GRIK1: variants seen among roughly 807,000 people sequenced by gnomAD.
GRIK1 encodes the protein glutamate receptor ionotropic, kainate 1.
A neutral mutation model predicts 105.7 loss-of-function variants in GRIK1; 69 were observed. The observed-to-expected ratio is 0.65, with a 90% CI of 0.54 to 0.80. The LOEUF is 0.80. GRIK1 is among the 30% of genes least tolerant of loss of function. The pLI is 0.00. For synonymous variants in GRIK1, 438 were observed against 431.3 expected, an observed-to-expected ratio of 1.02 and a Z score of -0.19; for missense variants, 1,109 against 1,167.3, an observed-to-expected ratio of 0.95 and a Z score of 0.73.
At chr21:29,537,460 G>A (rs2089898305) in intron 17 of GRIK1, 75 bp from the exon 18 acceptor site, 2 of 1,197,100 alleles carry the variant, frequency 1.7e-6, no homozygotes, top group African/African-American at 1.5e-5. Context: ...TCTTGCCTAG[G>A]TATTTATGAA....
intron 1 of GRIK1, among the ~76,000 whole-genome samples, chr21:29,793,860 G>A (rs971877466): frequency 1.3e-5 from 2 of 152,208 alleles, no homozygotes; most frequent in African/African-American, 4.8e-5. Context: ...TGCCAAGTGG[G>A]TGTGTTTTTA....
chr21:29,833,787 C>T (rs2067706411), intron 1 of GRIK1, among the ~76,000 whole-genome samples: 1 of 152,012 alleles, frequency 6.6e-6, no homozygotes, highest in African/African-American at 2.4e-5. Flanking sequence ...ACTCTCTCAA[C>T]AAGGTGGCTC....
At chr21:29,775,257 C>T (rs993781012) in intron 1 of GRIK1, among the ~76,000 whole-genome samples, 18 of 123,710 alleles carry the variant, frequency 1.5e-4, no homozygotes, top group African/African-American at 5.4e-4. Context: ...GCCTGGGCGA[C>T]AGAGTGAGCC....
chr21:29,867,888 G>GAGAGAAAGAGAGAGAAAGAGAGAA lies in GRIK1; in HGVS notation c.118+71494_118+71495insTTCTCTCTTTCTCTCTCTTTCTCT, dbSNP rs202192715. The stretch of plus-strand genomic sequence containing the variant: ...AGAGAAAGAGAGAAAGAGAGAGAAA[G>GAGAGAAAGAGAGAGAAAGAGAGAA]AGAGAGAGAGAGAGAAAGAAAGAGA... On this transcript the variant is annotated intron_variant, in intron 1 of 17. Coordinates refer to ENST00000327783, the MANE Select transcript of GRIK1 (RefSeq NM_001330994.2). 1.3e-3 allele frequency among the ~76,000 whole-genome samples: 165 copies of GAGAGAAAGAGAGAGAAAGAGAGAA among 131,360 alleles called. 11 individuals are homozygous for GAGAGAAAGAGAGAGAAAGAGAGAA. The highest frequency in any genetic ancestry group is 5.5e-3 in the African/African-American group (160 of 29,130). The allele number at this position is 131,360 out of a possible 152,430, so 86.2% of individuals were successfully genotyped here.
intron 1 of GRIK1, among the ~76,000 whole-genome samples, chr21:29,753,922 C>T (rs1360742069): frequency 1.3e-5 from 2 of 152,056 alleles, no homozygotes; most frequent in African/African-American, 4.8e-5. Flanking sequence ...CTACCTGGAT[C>T]TGAACATATG....
intron 1 of GRIK1, among the ~76,000 whole-genome samples, chr21:29,784,533 A>G (rs2066208888): frequency 6.6e-6 from 1 of 152,174 alleles, no homozygotes; most frequent in African/African-American, 2.4e-5. Context: ...ATATCACATT[A>G]TATAACAACT....
At chr21:29,894,855 C>G (rs139453033) in intron 1 of GRIK1, among the ~76,000 whole-genome samples, 85 of 152,284 alleles carry the variant, frequency 5.6e-4, no homozygotes, top group African/African-American at 2.0e-3. Context: ...ACCTGTTTAA[C>G]TTGGCTATTT....
intron 1 of GRIK1, among the ~76,000 whole-genome samples, chr21:29,859,209 T>G: frequency 6.7e-6 from 1 of 149,068 alleles, no homozygotes; most frequent in African/African-American, 2.5e-5. Context: ...CCGGGGCCTG[T>G]TGTGGGGTGG....
At chr21:29,596,086 A>G (rs1406604635) in intron 9 of GRIK1, 2 of 291,232 alleles carry the variant, frequency 6.9e-6, no homozygotes, top group African/African-American at 2.2e-5. Context: ...TGGTGACATT[A>G]CAGGAGGTGT....
At chr21:29,560,368 C>CTTTCTTTTTCTTT (rs1568813696) in intron 15 of GRIK1, among the ~76,000 whole-genome samples, 1 of 20,734 alleles carries the variant, frequency 4.8e-5, no homozygotes, top group African/African-American at 2.1e-4. Flanking sequence ...TTTCTTTCTT[C>CTTTCTTTTTCTTT]CTTCCTTCCT....
chr21:29,624,922 G>C (rs2062088710), intron 7 of GRIK1, among the ~76,000 whole-genome samples: 1 of 152,192 alleles, frequency 6.6e-6, no homozygotes, highest in African/African-American at 2.4e-5. Context: ...GGAAATTAGG[G>C]AGAAAGAACA....
intron 1 of GRIK1, among the ~76,000 whole-genome samples, chr21:29,841,105 A>G (rs1322138032): frequency 6.6e-6 from 1 of 152,176 alleles, no homozygotes; most frequent in African/African-American, 2.4e-5. Context: ...GCTATATTAA[A>G]CACATTTTAA....
intron 1 of GRIK1, among the ~76,000 whole-genome samples, chr21:29,888,195 T>TTC (rs780446480): frequency 0.026 from 583 of 22,176 alleles, 17 homozygotes; most frequent in Non-Finnish European, 0.042. Context: ...CTTTCTTTCT[T>TTC]TCTCTCTCTC....
chr21:29,931,868 G>A (rs747479023), intron 1 of GRIK1, among the ~76,000 whole-genome samples: 4 of 152,124 alleles, frequency 2.6e-5, no homozygotes, highest in South Asian at 2.1e-4. Flanking sequence ...TCTTTGACTC[G>A]TTTGGTGTAA....
At chr21:29,560,574 T>TTCTTTCTCTCTCTCTCTC (rs1601116875) in intron 15 of GRIK1, among the ~76,000 whole-genome samples, 2 of 124,180 alleles carry the variant, frequency 1.6e-5, no homozygotes, top group African/African-American at 8.0e-5. Flanking sequence ...CTTTCTTTCT[T>TTCTTTCTCTCTCTCTCTC]TCTCTCTTTC....
chr21:29,876,736 A>G (rs1393268768), intron 1 of GRIK1, among the ~76,000 whole-genome samples: 1 of 152,024 alleles, frequency 6.6e-6, no homozygotes, highest in African/African-American at 2.4e-5. Context: ...AGCGTGCTTT[A>G]TTTTTTTACA....
At chr21:29,622,218 ATTACAG>A (rs2062021033) in intron 7 of GRIK1, among the ~76,000 whole-genome samples, 1 of 152,202 alleles carries the variant, frequency 6.6e-6, no homozygotes, top group Admixed American at 6.5e-5. Context: ...AAGTGCTGGG[ATTACAG>A]GCTTGAGCCA....
chr21:29,867,985 A>G (rs2068882480), intron 1 of GRIK1, among the ~76,000 whole-genome samples: 1 of 143,428 alleles, frequency 7.0e-6, no homozygotes, highest in African/African-American at 2.6e-5. Flanking sequence ...AGAGAAAAAG[A>G]GGAGAGAAGG....
At chr21:29,786,472 C>T (rs1303082140) in intron 1 of GRIK1, among the ~76,000 whole-genome samples, 1 of 150,956 alleles carries the variant, frequency 6.6e-6, no homozygotes, top group African/African-American at 2.4e-5. Flanking sequence ...ACCTTCGACC[C>T]TCTACACCCC....
Sources: allele counts gnomAD v4.1 joint callset (sites outside exome capture counted in the v4.1 genomes callset), GRCh38; gene constraint gnomAD v4.1.1; transcripts MANE v1.5; gene names NCBI Gene and HGNC (gene_info 2026-07-23, HGNC 2026-07-21).